Variants in MSMB observed in about 807,000 individuals in gnomAD.
MSMB encodes the protein microseminoprotein beta.
Under a neutral mutation model 10.5 loss-of-function variants are expected in MSMB, and 10 were observed. The observed-to-expected ratio is 0.95, with a 90% CI of 0.59 to 1.62. The LOEUF is 1.62. Among genes scored for constraint, MSMB ranks in the 40% most tolerant of loss-of-function variants. The probability of loss-of-function intolerance (pLI) is 0.00; values close to 1 mark genes in which losing one functional copy is unlikely to be tolerated. For synonymous variants in MSMB, 43 were observed against 46.5 expected, an observed-to-expected ratio of 0.93 and a Z score of 0.30; for missense variants, 126 against 137.4, an observed-to-expected ratio of 0.92 and a Z score of 0.42.
intron 1 of MSMB, among the ~76,000 whole-genome samples, chr10:46,044,206 C>T (rs946730242): frequency 6.6e-6 from 1 of 152,082 alleles, no homozygotes; most frequent in Admixed American, 6.6e-5. Flanking sequence ...GATTACACCA[C>T]GACGCCAGAA....
At chr10:46,034,852 G>A (rs1840564323) in intron 3 of MSMB, among the ~76,000 whole-genome samples, 1 of 151,350 alleles carries the variant, frequency 6.6e-6, no homozygotes, top group South Asian at 2.1e-4. Flanking sequence ...AATAAATGAT[G>A]ATAGAAGCCC....
intron 3 of MSMB, 58 bp downstream of exon 3, chr10:46,038,908 G>T: frequency 6.9e-7 from 1 of 1,443,706 alleles, no homozygotes; most frequent in Non-Finnish European, 9.7e-7. Context: ...AGACGGAGTA[G>T]CTGTTCCTCA....
intron 3 of MSMB, among the ~76,000 whole-genome samples, chr10:46,034,393 G>C (rs1840547042): frequency 6.6e-6 from 1 of 151,724 alleles, no homozygotes; most frequent in Admixed American, 6.6e-5. Context: ...TCCTCCCAAA[G>C]TGCTGGGATT....
rs372080336 is a variant in MSMB at position 46,034,410 on chromosome 10, G to A, written c.216-859C>T. Among the ~76,000 whole-genome samples the A allele has an allele frequency of 1.1e-4, 16 of 151,666 alleles. No individual in the cohort carries two copies. The East Asian group carries it at 2.0e-3, about 19-fold the overall frequency. On this transcript the variant is annotated intron_variant, in intron 3 of 3. Transcript: ENST00000582163. Reference sequence around the variant, plus strand: ...CTCCCAAAGTGCTGGGATTACAGGCGTGAGACACCATGCCCAGCCCAGTGC... The same window carrying A: ...CTCCCAAAGTGCTGGGATTACAGGCATGAGACACCATGCCCAGCCCAGTGC...
intron 1 of MSMB, among the ~76,000 whole-genome samples, chr10:46,044,908 T>C (rs1042162895): frequency 2.6e-5 from 4 of 152,178 alleles, no homozygotes; most frequent in Admixed American, 2.0e-4. Flanking sequence ...TGAGGCTGCA[T>C]AGAGTATAGG....
chr10:46,035,089 A>T (rs1840571826), intron 3 of MSMB, among the ~76,000 whole-genome samples: 1 of 152,194 alleles, frequency 6.6e-6, no homozygotes, highest in Admixed American at 6.5e-5. Flanking sequence ...CTTCCCAATG[A>T]TTCTATAATT....
At chr10:46,043,204 G>C (rs1352334712) in intron 1 of MSMB, among the ~76,000 whole-genome samples, 1 of 152,158 alleles carries the variant, frequency 6.6e-6, no homozygotes, top group Non-Finnish European at 1.5e-5. Flanking sequence ...AAGCAGGAGA[G>C]TCAACAGGGA....
At chr10:46,033,758 CAGA>C (rs1398791274) in intron 3 of MSMB, among the ~76,000 whole-genome samples, 1 of 152,226 alleles carries the variant, frequency 6.6e-6, no homozygotes, top group Non-Finnish European at 1.5e-5. Context: ...CCTGCAGGCA[CAGA>C]AGGTCATCAG....
At chr10:46,043,427 C>G (rs1216902811) in intron 1 of MSMB, among the ~76,000 whole-genome samples, 1 of 138,784 alleles carries the variant, frequency 7.2e-6, no homozygotes, top group African/African-American at 2.9e-5. Context: ...CTCCCTCCCT[C>G]CCTTTCTGTC....
intron 1 of MSMB, among the ~76,000 whole-genome samples, chr10:46,045,896 C>T (rs1840885806): frequency 6.6e-6 from 1 of 152,170 alleles, no homozygotes; most frequent in Non-Finnish European, 1.5e-5. Flanking sequence ...ATCTCAAAAA[C>T]GATGCAGTCA....
At position 46,039,987 on chromosome 10, in the gene MSMB, C is replaced by G; in HGVS notation, c.108G>C (p.Arg36Ser). ...PNEGVPGDST[R>S]KCMDLKGNKH... ...AAACATTGAAAAGCCAAGACTTACT[C>G]CTGGTTGAATCTCCTGGAACTCCCT... The change falls in exon 2 of 4, where the codon AGG (arginine) becomes AGC (serine). Residue 36 changes from arginine to serine, a missense_variant and splice_region_variant. Coordinates refer to ENST00000582163, the MANE Select transcript of MSMB (RefSeq NM_002443.4). The G allele has an allele frequency of 6.2e-7, 1 of 1,612,300 alleles. No homozygotes were observed.
intron 1 of MSMB, among the ~76,000 whole-genome samples, chr10:46,044,369 G>A (rs1354364875): frequency 6.6e-6 from 1 of 151,516 alleles, no homozygotes; most frequent in African/African-American, 2.4e-5. Flanking sequence ...GAGGTCAGGA[G>A]ATCGAGACCA....
rs567395372 is a variant in MSMB, at chr10:46,044,931, G to A, written c.3+1304C>T. On this transcript the variant is annotated intron_variant, in intron 1 of 3. Coordinates refer to ENST00000582163, the MANE Select transcript of MSMB (RefSeq NM_002443.4). ...CATAGAGTATAGGCTGGAGGAGCCT[G>A]TCTAGTGGAGATGGGGAGGACCTCC... is the stretch of plus-strand genomic sequence containing the variant. Among the ~76,000 whole-genome samples, 10 of 152,314 alleles carry A rather than the reference G, an allele frequency of 6.6e-5. No homozygotes were observed. The East Asian group carries it at 1.7e-3, about 26-fold the overall frequency.
intron 3 of MSMB, among the ~76,000 whole-genome samples, chr10:46,036,864 C>A (rs1840620150): frequency 6.6e-6 from 1 of 152,202 alleles, no homozygotes; most frequent in Non-Finnish European, 1.5e-5. Flanking sequence ...AGGGAGGGAC[C>A]AGTCACCAGT....
At position 46,038,969 on chromosome 10, in the gene MSMB, G is replaced by A; in HGVS notation, c.212C>T (p.Thr71Ile). Residue 71 changes from threonine to isoleucine, a missense_variant, in exon 3 of 4, where the codon ACC becomes ATC. Thr to Ile is a moderately conservative substitution (Grantham distance 89). Coordinates refer to ENST00000582163, the MANE Select transcript of MSMB (RefSeq NM_002443.4). Reference sequence around the variant, plus strand: ...CCAGCACTGGCTTGAGACTTACAGGGTGCAACATGAAATTTCTGTTTCGTA... The same window carrying A: ...CCAGCACTGGCTTGAGACTTACAGGATGCAACATGAAATTTCTGTTTCGTA... ...TCYETEISCC[T>I]LVSTPVGYDK... 2 of 1,613,358 alleles carry A rather than the reference G, an allele frequency of 1.2e-6. No individual in the cohort carries two copies. The highest frequency in any genetic ancestry group is 2.7e-5 in the African/African-American group (2 of 74,986).
Position 46,038,274 on chromosome 10 carries a change from T to G in MSMB, c.215+692A>C, listed in dbSNP as rs117847798. On this transcript the variant is annotated intron_variant, in intron 3 of 3. Transcript: ENST00000582163. ...ATTGTTAACATGGTACATTTTACGT[T>G]ACGTATATTTTACCGCAATTTTTTT... Among the ~76,000 whole-genome samples the G allele has an allele frequency of 3.1e-3, 476 of 152,286 alleles. 3 individuals are homozygous for G. The highest frequency in any genetic ancestry group is 0.019 in the East Asian group (96 of 5,168).
chr10:46,039,025 C>A lies in MSMB; in HGVS notation c.156G>T (p.Trp52Cys), dbSNP rs1840680385. 1 of 1,613,970 alleles carries A rather than the reference C, an allele frequency of 6.2e-7. No homozygotes were observed. Among genetic ancestry groups the A allele is most frequent in the Non-Finnish European group, 8.5e-7 (1 of 1,180,008 alleles). Residue 52 changes from tryptophan to cysteine, a missense_variant, in exon 3 of 4, where the codon TGG becomes TGT. Transcript: ENST00000582163. ...KGNKHPINSE[W>C]QTDNCETCTC... The stretch of plus-strand genomic sequence containing the variant: ...TGCATGTCTCACAGTTGTCAGTCTG[C>A]CACTCCGAGTTTATTGGGTGTTTGT...
intron 1 of MSMB, among the ~76,000 whole-genome samples, chr10:46,044,238 G>A (rs1339830568): frequency 6.6e-6 from 1 of 152,068 alleles, no homozygotes; most frequent in Non-Finnish European, 1.5e-5. Flanking sequence ...TTTCTAGATG[G>A]TACAGCGAGC....
intron 2 of MSMB, 64 bp from the exon 3 acceptor site, chr10:46,039,135 A>G (rs1554928049): frequency 1.5e-6 from 2 of 1,376,912 alleles, no homozygotes. Context: ...CTATCAGGAC[A>G]TTGAGTCCTG....
Sources: allele counts gnomAD v4.1 joint callset (sites outside exome capture counted in the v4.1 genomes callset), GRCh38; gene constraint gnomAD v4.1.1; transcripts MANE v1.5; gene names NCBI Gene and HGNC (gene_info 2026-07-23, HGNC 2026-07-21).